The following CTNNA3 variants were observed in gnomAD, a reference collection of about 807,000 sequenced individuals.
CTNNA3 encodes the protein catenin alpha-3.
A neutral mutation model predicts 95.7 loss-of-function variants in CTNNA3; 76 were observed. The observed-to-expected ratio is 0.79, with a 90% confidence interval of 0.66 to 0.96. The LOEUF is 0.96. CTNNA3 is among the 40% of genes least tolerant of loss of function. The pLI is 0.00. For synonymous variants in CTNNA3, 431 were observed against 374.4 expected (o/e 1.15, Z -1.74); for missense variants, 1,191 against 1,089.8 (o/e 1.09, Z -1.31).
intron 2 of CTNNA3, among the ~76,000 whole-genome samples, chr10:67,625,477 G>A (rs1838921658): frequency 6.6e-6 from 1 of 152,144 alleles, no homozygotes; most frequent in Non-Finnish European, 1.5e-5. Flanking sequence ...GTCCATGATA[G>A]TCTAAACCTG....
intron 15 of CTNNA3, among the ~76,000 whole-genome samples, chr10:65,994,569 T>C (rs923388408): frequency 1.3e-4 from 20 of 152,308 alleles, no homozygotes; most frequent in Non-Finnish European, 2.4e-4. Flanking sequence ...ATTCTCTTCC[T>C]GTCTTTAGAA....
intron 7 of CTNNA3, among the ~76,000 whole-genome samples, chr10:67,166,747 A>C (rs148996811): frequency 1.3e-5 from 2 of 152,328 alleles, no homozygotes; most frequent in East Asian, 3.9e-4. Context: ...TTGCCTAAAA[A>C]ATTGTATAGT....
At chr10:66,219,582 T>C (rs1179309028) in intron 13 of CTNNA3, among the ~76,000 whole-genome samples, 1 of 152,044 alleles carries the variant, frequency 6.6e-6, no homozygotes, top group Non-Finnish European at 1.5e-5. Context: ...AACAGCCACA[T>C]GAGAAACCTT....
chr10:66,757,288 G>A (rs1000439185), intron 9 of CTNNA3, among the ~76,000 whole-genome samples: 4 of 152,058 alleles, frequency 2.6e-5, no homozygotes, highest in African/African-American at 7.2e-5. Context: ...AACTCTAAAT[G>A]CATTTTAGAT....
chr10:66,024,725 C>T (rs1398902354), intron 15 of CTNNA3, among the ~76,000 whole-genome samples: 7 of 152,138 alleles, frequency 4.6e-5, no homozygotes, highest in Admixed American at 3.9e-4. Flanking sequence ...ACCTGGGGAA[C>T]TAATTAAACA....
intron 7 of CTNNA3, among the ~76,000 whole-genome samples, chr10:66,886,792 A>G (rs1845061811): frequency 6.6e-6 from 1 of 152,160 alleles, no homozygotes; most frequent in African/African-American, 2.4e-5. Context: ...TTATTACGTC[A>G]GAACATGTCC....
chr10:65,999,990 A>G (rs1428709780), intron 15 of CTNNA3, among the ~76,000 whole-genome samples: 2 of 152,114 alleles, frequency 1.3e-5, no homozygotes, highest in East Asian at 1.9e-4. Context: ...GAGGTAGTGC[A>G]TAAGTTAATT....
chr10:67,045,420 G>T (rs112303050), intron 7 of CTNNA3, among the ~76,000 whole-genome samples: 10,533 of 151,954 alleles, frequency 0.069, 421 homozygotes, highest in South Asian at 0.19. Context: ...TGGTTTTTTT[G>T]TTGTTGTTGT....
chr10:65,928,750 C>T (rs1373358161), intron 17 of CTNNA3, among the ~76,000 whole-genome samples: 5 of 152,130 alleles, frequency 3.3e-5, no homozygotes, highest in Non-Finnish European at 5.9e-5. Flanking sequence ...CTAAACATGG[C>T]ACAAAAACCC....
intron 7 of CTNNA3, among the ~76,000 whole-genome samples, chr10:66,825,524 C>A (rs891001775): frequency 2.0e-5 from 3 of 151,862 alleles, no homozygotes; most frequent in Non-Finnish European, 4.4e-5. Context: ...GTGATCTACC[C>A]GCCTCAGCCT....
At chr10:66,119,097 AAC>A (rs1402343604) in intron 13 of CTNNA3, among the ~76,000 whole-genome samples, 2 of 152,154 alleles carry the variant, frequency 1.3e-5, no homozygotes, top group African/African-American at 4.8e-5. Flanking sequence ...TAAATTTTAA[AAC>A]AGAGAACTTT....
chr10:66,545,845 T>C (rs1245315239), intron 10 of CTNNA3, among the ~76,000 whole-genome samples: 1 of 151,938 alleles, frequency 6.6e-6, no homozygotes, highest in Non-Finnish European at 1.5e-5. Flanking sequence ...TTAAGTCACT[T>C]GCCCATTCCC....
intron 7 of CTNNA3, among the ~76,000 whole-genome samples, chr10:66,961,978 G>A (rs892686294): frequency 4.6e-5 from 7 of 152,086 alleles, no homozygotes; most frequent in East Asian, 3.9e-4. Flanking sequence ...AAGACTCCAC[G>A]CTGTAAATGT....
intron 7 of CTNNA3, among the ~76,000 whole-genome samples, chr10:66,803,188 C>T (rs1190286402): frequency 6.6e-6 from 1 of 152,010 alleles, no homozygotes; most frequent in Non-Finnish European, 1.5e-5. Context: ...TATTTTCAGG[C>T]AGGGCAATTA....
At chr10:67,560,463 G>A (rs1222973035) in intron 3 of CTNNA3, among the ~76,000 whole-genome samples, 2 of 152,134 alleles carry the variant, frequency 1.3e-5, no homozygotes, top group African/African-American at 4.8e-5. Flanking sequence ...CAACAGGCCT[G>A]CCCTAAAACA....
At chr10:66,394,987 C>T (rs960635901) in intron 11 of CTNNA3, among the ~76,000 whole-genome samples, 4 of 151,874 alleles carry the variant, frequency 2.6e-5, no homozygotes, top group African/African-American at 4.8e-5. Flanking sequence ...TTGCTGATAA[C>T]CTGGTAAATT....
intron 14 of CTNNA3, chr10:66,079,375 C>A (rs2080656751): frequency 6.6e-6 from 1 of 151,822 alleles, no homozygotes; most frequent in African/African-American, 2.4e-5. Context: ...AAAGTTAAAT[C>A]TTATTATATG....
chr10:66,919,708 A>G (rs1846687290), intron 7 of CTNNA3, among the ~76,000 whole-genome samples: 1 of 152,136 alleles, frequency 6.6e-6, no homozygotes, highest in East Asian at 1.9e-4. Context: ...TTTTTAATGG[A>G]GCCCTTAAAG....
At chr10:67,301,994 C>CGAAAGAAAGAAAGAAAGAAA (rs1334898390) in intron 5 of CTNNA3, among the ~76,000 whole-genome samples, 2 of 36,766 alleles carry the variant, frequency 5.4e-5, no homozygotes, top group East Asian at 8.1e-4. Context: ...AAAGAAAGAA[C>CGAAAGAAAGAAAGAAAGAAA]GAAAGAACGA....
Sources: gnomAD v4.1 joint callset for allele counts (sites outside exome capture counted in the v4.1 genomes callset) on GRCh38, gnomAD v4.1.1 for gene constraint, MANE v1.5 for transcripts, NCBI Gene and HGNC (gene_info 2026-07-23, HGNC 2026-07-21) for gene names.